Variants in ABTB3 observed in about 807,000 individuals in gnomAD.
ABTB3 encodes the protein ankyrin repeat and BTB domain containing 3, also known as ankyrin repeat- and BTB/POZ domain-containing protein 3.
At chr12:107,521,816 A>G in the ABTB3 span, among the ~76,000 whole-genome samples, 1 of 151,540 alleles carries the variant, frequency 6.6e-6, no homozygotes, top group Non-Finnish European at 1.5e-5. Context: ...AGGTATCCCC[A>G]TGGCTCACTC....
At chr12:107,603,897 T>C in the ABTB3 span, among the ~76,000 whole-genome samples, 10 of 152,072 alleles carry the variant, frequency 6.6e-5, no homozygotes, top group Admixed American at 3.9e-4. Context: ...GGGCCGGGCG[T>C]GGTGGCTCAT....
the ABTB3 span, among the ~76,000 whole-genome samples, chr12:107,382,465 T>C: frequency 6.6e-6 from 1 of 152,214 alleles, no homozygotes; most frequent in Non-Finnish European, 1.5e-5. Flanking sequence ...TGTTTGTCTA[T>C]TATTGGTGTA....
the ABTB3 span, among the ~76,000 whole-genome samples, chr12:107,558,184 C>A: frequency 3.3e-5 from 5 of 152,344 alleles, no homozygotes; most frequent in African/African-American, 9.6e-5. Context: ...GACGCATAGA[C>A]CAACTGAGAC....
the ABTB3 span, among the ~76,000 whole-genome samples, chr12:107,455,550 A>G: frequency 1.3e-5 from 2 of 152,066 alleles, no homozygotes; most frequent in Non-Finnish European, 2.9e-5. Context: ...AGTAGAGAGT[A>G]GGTCCTGTGT....
chr12:107,476,287 C>G, the ABTB3 span, among the ~76,000 whole-genome samples: 2 of 152,276 alleles, frequency 1.3e-5, no homozygotes, highest in African/African-American at 4.8e-5. Context: ...GCCCCTCCTT[C>G]TAACTTGTGA....
At chr12:107,324,864 T>C in the ABTB3 span, among the ~76,000 whole-genome samples, 29 of 152,226 alleles carry the variant, frequency 1.9e-4, no homozygotes, top group Non-Finnish European at 3.8e-4. Context: ...CGCTTAGATC[T>C]AACCCCAAAT....
At chr12:107,498,715 A>T in the ABTB3 span, among the ~76,000 whole-genome samples, 1 of 151,432 alleles carries the variant, frequency 6.6e-6, no homozygotes, top group Non-Finnish European at 1.5e-5. Flanking sequence ...CATTGGGCCC[A>T]CCTAGAAAAC....
chr12:107,339,573 C>T, the ABTB3 span, among the ~76,000 whole-genome samples: 1 of 151,976 alleles, frequency 6.6e-6, no homozygotes, highest in East Asian at 1.9e-4. Flanking sequence ...GATTGTACAT[C>T]GTATATCAAA....
At chr12:107,657,532 A>G in the ABTB3 span, 1 of 1,614,176 alleles carries the variant, frequency 6.2e-7, no homozygotes, top group Non-Finnish European at 8.5e-7. Context: ...CAGAGCTCTC[A>G]GCATATTGCG....
the ABTB3 span, among the ~76,000 whole-genome samples, chr12:107,645,236 G>T: frequency 2.0e-5 from 3 of 152,094 alleles, no homozygotes; most frequent in Non-Finnish European, 4.4e-5. Flanking sequence ...CAAAGTGCTG[G>T]GATTACAGGC....
chr12:107,610,196 C>T, the ABTB3 span: 42 of 1,614,180 alleles, frequency 2.6e-5, no homozygotes, highest in Admixed American at 1.2e-4. Flanking sequence ...TTAGGGCCGA[C>T]GACTGCTTTT....
At chr12:107,326,517 G>A in the ABTB3 span, among the ~76,000 whole-genome samples, 4 of 152,316 alleles carry the variant, frequency 2.6e-5, no homozygotes, top group South Asian at 8.3e-4. Flanking sequence ...TCATTGACCA[G>A]ATGTATCATT....
At chr12:107,388,121 C>T in the ABTB3 span, among the ~76,000 whole-genome samples, 6 of 151,814 alleles carry the variant, frequency 4.0e-5, no homozygotes, top group Admixed American at 6.6e-5. Flanking sequence ...TATAGGCTCC[C>T]GCCACCACAC....
the ABTB3 span, chr12:107,581,018 C>T: frequency 6.4e-7 from 1 of 1,551,990 alleles, no homozygotes; most frequent in Non-Finnish European, 8.7e-7. Flanking sequence ...GCAGGGTCTC[C>T]AGGGAAAGCG....
chr12:107,568,619 G>GGAC, the ABTB3 span, among the ~76,000 whole-genome samples: 1 of 152,074 alleles, frequency 6.6e-6, no homozygotes, highest in Non-Finnish European at 1.5e-5. Context: ...CTACCAAACT[G>GGAC]GACAGCACAG....
chr12:107,467,021 A>G, the ABTB3 span, among the ~76,000 whole-genome samples: 1 of 152,130 alleles, frequency 6.6e-6, no homozygotes, highest in East Asian at 1.9e-4. Context: ...TGTCTATTGT[A>G]GTGTCTAACT....
At chr12:107,635,521 G>T in the ABTB3 span, 6 of 650,072 alleles carry the variant, frequency 9.2e-6, no homozygotes, top group African/African-American at 1.1e-4. Context: ...GAGTCAGGCC[G>T]GGGGAGATCA....
At chr12:107,454,809 C>A in the ABTB3 span, among the ~76,000 whole-genome samples, 4 of 152,240 alleles carry the variant, frequency 2.6e-5, no homozygotes, top group Admixed American at 1.3e-4. Context: ...CATATTTGTA[C>A]CTCTGTTAAA....
chr12:107,608,713 T>G, the ABTB3 span, among the ~76,000 whole-genome samples: 1 of 151,418 alleles, frequency 6.6e-6, no homozygotes. Flanking sequence ...TTACAAAAAT[T>G]TTTTTTGATG....
Sources: gnomAD v4.1 joint callset for allele counts (sites outside exome capture counted in the v4.1 genomes callset) on GRCh38, gnomAD v4.1.1 for gene constraint, MANE v1.5 for transcripts, NCBI Gene and HGNC (gene_info 2026-07-23, HGNC 2026-07-21) for gene names.